The following MYO16 variants were observed in gnomAD, a reference collection of about 807,000 sequenced individuals.
The protein encoded by MYO16 is unconventional myosin-XVI.
MYO16 carries 94 observed loss-of-function variants against 205.3 expected under a neutral mutation model. The observed-to-expected ratio is 0.46, with a 90% confidence interval of 0.39 to 0.54. The LOEUF (loss-of-function observed/expected upper bound fraction) is 0.54. Ranked by LOEUF, MYO16 falls within the 20% of genes least tolerant of loss-of-function variation. The pLI is 0.00. For missense variants in MYO16, 2,315 were observed against 2,387.5 expected (o/e 0.97, Z 0.63); for synonymous variants, 988 against 954.0 (o/e 1.04, Z -0.66).
intron 27 of MYO16, among the ~76,000 whole-genome samples, chr13:109,067,895 C>T (rs73618332): frequency 0.016 from 2,399 of 152,192 alleles, 34 homozygotes; most frequent in South Asian, 0.034. Flanking sequence ...TGTACATTTT[C>T]GCTTAAAACA....
intron 4 of MYO16, among the ~76,000 whole-genome samples, chr13:108,777,471 T>C (rs1305495141): frequency 2.0e-5 from 3 of 152,088 alleles, no homozygotes; most frequent in Non-Finnish European, 4.4e-5. Flanking sequence ...GGGATTGAAA[T>C]GTAGACCCTT....
the MYO16 span, among the ~76,000 whole-genome samples, chr13:108,552,325 G>A: frequency 1.3e-5 from 2 of 152,204 alleles, no homozygotes; most frequent in Non-Finnish European, 2.9e-5. Context: ...CAACTTGGAG[G>A]TGGCAAGATC....
chr13:109,065,468 A>G, intron 27 of MYO16: 1 of 410,896 alleles, frequency 2.4e-6, no homozygotes, highest in South Asian at 1.8e-5. Flanking sequence ...ATAATATAAA[A>G]CCATTTATTT....
chr13:108,910,068 T>G lies in MYO16; in HGVS notation c.1843T>G (p.Phe615Val). 1.2e-6 allele frequency: 2 copies of G among 1,613,386 alleles called. No individual in the cohort carries two copies. The highest frequency in any genetic ancestry group is 8.5e-7 in the Non-Finnish European group (1 of 1,179,520). ...LVSQPLGQSN[F>V]LIFYLLMDGL... Reference sequence around the variant, plus strand: ...TTCACAACCTCTTGGCCAGAGCAATTTTCTCATTTTCTACTTGTTGATGGA... The same window carrying G: ...TTCACAACCTCTTGGCCAGAGCAATGTTCTCATTTTCTACTTGTTGATGGA... The change falls in exon 16 of 35, where the codon TTT becomes GTT. Residue 615 changes from phenylalanine (F) to valine (V), a missense_variant. By Grantham distance (50) the Phe-to-Val change is conservative. Transcript: ENST00000457511.
At chr13:108,728,470 C>A (rs1408351455) in intron 4 of MYO16, among the ~76,000 whole-genome samples, 2 of 152,178 alleles carry the variant, frequency 1.3e-5, no homozygotes, top group East Asian at 1.9e-4. Context: ...AACACAAGCA[C>A]CCTTGCGGAG....
At chr13:108,815,458 G>C (rs1388747107) in intron 7 of MYO16, among the ~76,000 whole-genome samples, 1 of 152,138 alleles carries the variant, frequency 6.6e-6, no homozygotes, top group Admixed American at 6.6e-5. Flanking sequence ...TGGAAAAATG[G>C]TCAGAGACAT....
At chr13:108,520,314 C>A in the MYO16 span, among the ~76,000 whole-genome samples, 2 of 151,916 alleles carry the variant, frequency 1.3e-5, no homozygotes, top group Non-Finnish European at 2.9e-5. Context: ...GATGCATACA[C>A]AATTATGTAT....
intron 3 of MYO16, among the ~76,000 whole-genome samples, chr13:108,720,638 G>A (rs1884127664): frequency 6.6e-6 from 1 of 152,134 alleles, no homozygotes; most frequent in South Asian, 2.1e-4. Flanking sequence ...CATTCACGAA[G>A]ACAACCCTGG....
chr13:108,617,685 T>C (rs973782960), intron 1 of MYO16, among the ~76,000 whole-genome samples: 1 of 152,112 alleles, frequency 6.6e-6, no homozygotes. Context: ...CTAGGATCCA[T>C]GTTCAGTCCA....
intron 4 of MYO16, among the ~76,000 whole-genome samples, chr13:108,742,574 C>T (rs1175898667): frequency 6.6e-6 from 1 of 152,026 alleles, no homozygotes; most frequent in East Asian, 1.9e-4. Context: ...AGCACCAATG[C>T]TCTATAACTC....
chr13:108,683,492 C>T (rs1009702179), intron 2 of MYO16, among the ~76,000 whole-genome samples: 12 of 152,144 alleles, frequency 7.9e-5, no homozygotes, highest in South Asian at 2.1e-4. Flanking sequence ...CATTTACAAG[C>T]GGGAAATCTG....
In MYO16 at chr13:108,855,427, T is replaced by C; in HGVS notation, c.1249-16T>C. 6.7e-7 allele frequency: 1 copy of C among 1,499,716 alleles called. No individual in the cohort carries two copies. The highest frequency in any genetic ancestry group is 1.2e-5 in the South Asian group (1 of 82,464). The allele number at this position is 1,499,716 out of a possible 1,614,324, so 92.9% of individuals were successfully genotyped here. A position where few individuals can be genotyped will look rare whatever the true frequency, so the allele number is the denominator to read the frequency against. ...GAAAGCAATTAGAATTGATCATACT[T>C]TCGGTTCTTCCCCAGGTCAAGCTAA... On this transcript the variant is annotated splice_polypyrimidine_tract_variant and intron_variant, in intron 10 of 34. Coordinates refer to ENST00000457511, the MANE Select transcript of MYO16 (RefSeq NM_001198950.3).
intron 1 of MYO16, among the ~76,000 whole-genome samples, chr13:108,639,676 T>C (rs750405460): frequency 6.6e-6 from 1 of 152,150 alleles, no homozygotes; most frequent in Non-Finnish European, 1.5e-5. Flanking sequence ...AAGTAAAGAT[T>C]TGTGTTAGAA....
chr13:108,656,410 T>C (rs1566532174), intron 1 of MYO16, among the ~76,000 whole-genome samples: 1 of 152,170 alleles, frequency 6.6e-6, no homozygotes. Flanking sequence ...AAACCTCTTT[T>C]TCTTCTCAGT....
chr13:108,950,957 C>T (rs1472799647), intron 16 of MYO16, among the ~76,000 whole-genome samples: 3 of 152,108 alleles, frequency 2.0e-5, no homozygotes, highest in Non-Finnish European at 4.4e-5. Flanking sequence ...TTTATTTTTC[C>T]CTTTCGAAAA....
At chr13:108,945,973 T>C (rs1220647461) in intron 16 of MYO16, among the ~76,000 whole-genome samples, 2 of 152,206 alleles carry the variant, frequency 1.3e-5, no homozygotes, top group Non-Finnish European at 2.9e-5. Context: ...GAAGCCAGAC[T>C]TCTGAGCTGT....
chr13:109,037,703 G>C (rs1886759598), intron 23 of MYO16, among the ~76,000 whole-genome samples: 1 of 151,976 alleles, frequency 6.6e-6, no homozygotes, highest in Non-Finnish European at 1.5e-5. Flanking sequence ...GGGAGAGATA[G>C]GAAGAAAGAG....
intron 20 of MYO16, among the ~76,000 whole-genome samples, chr13:108,979,697 A>G (rs1255498843): frequency 6.6e-6 from 1 of 152,126 alleles, no homozygotes; most frequent in African/African-American, 2.4e-5. Context: ...ACCCATATGT[A>G]TAATGATTTC....
intron 20 of MYO16, among the ~76,000 whole-genome samples, chr13:108,984,903 A>G (rs1005872625): frequency 6.6e-6 from 1 of 152,182 alleles, no homozygotes; most frequent in Non-Finnish European, 1.5e-5. Context: ...CTGAATCCTG[A>G]TGCTGAACCT....
Sources: gnomAD v4.1 joint callset for allele counts (sites outside exome capture counted in the v4.1 genomes callset) on GRCh38, gnomAD v4.1.1 for gene constraint, MANE v1.5 for transcripts, NCBI Gene and HGNC (gene_info 2026-07-23, HGNC 2026-07-21) for gene names.